HMGB1: variants seen among roughly 807,000 people sequenced by gnomAD.
The protein encoded by HMGB1 is high mobility group box 1, also known as high mobility group protein B1.
For missense variants in HMGB1, 79 were observed against 253.5 expected, an observed-to-expected ratio of 0.31 and a Z score of 4.67; for synonymous variants, 81 against 84.0, an observed-to-expected ratio of 0.96 and a Z score of 0.19.
At chr13:30,481,379 G>A (rs1391601554) in intron 1 of HMGB1, among the ~76,000 whole-genome samples, 1 of 152,144 alleles carries the variant, frequency 6.6e-6, no homozygotes, top group Non-Finnish European at 1.5e-5. Context: ...AAAACATTCC[G>A]AAGCTACCCA....
intron 1 of HMGB1, among the ~76,000 whole-genome samples, chr13:30,481,619 C>G (rs1280111878): frequency 2.6e-5 from 4 of 152,204 alleles, no homozygotes; most frequent in Non-Finnish European, 4.4e-5. Flanking sequence ...ACTGGCTCCC[C>G]CGGTGGGGCA....
chr13:30,592,860 G>A (rs1397237913), intron 1 of HMGB1, among the ~76,000 whole-genome samples: 5 of 146,140 alleles, frequency 3.4e-5, no homozygotes, highest in Non-Finnish European at 7.5e-5. Context: ...TTAAAATTTA[G>A]TGCTTTTTTT....
rs74184725 is a variant in HMGB1 at position 30,546,038 on chromosome 13, G to A, written c.-15+70633C>T. On this transcript the variant is annotated intron_variant, in intron 1 of 4. Transcript: ENST00000405805. The stretch of plus-strand genomic sequence containing the variant: ...ATTTCAGGTGGCTATTGAGCCACTA[G>A]TTGTTGGACAATGCAGATATAAAGC... Among the ~76,000 whole-genome samples, 29 of 152,334 alleles carry A rather than the reference G, an allele frequency of 1.9e-4. No homozygotes were observed. In the East Asian group the frequency reaches 4.4e-3, roughly 23 times the overall value.
At chr13:30,598,338 T>G (rs1871708600) in intron 1 of HMGB1, among the ~76,000 whole-genome samples, 1 of 152,276 alleles carries the variant, frequency 6.6e-6, no homozygotes, top group Non-Finnish European at 1.5e-5. Flanking sequence ...AGACTCATTT[T>G]AAAGCAATGT....
chr13:30,482,830 C>T (rs1012965097), intron 1 of HMGB1, among the ~76,000 whole-genome samples: 1 of 152,104 alleles, frequency 6.6e-6, no homozygotes, highest in Admixed American at 6.5e-5. Flanking sequence ...TTCTGTTGCC[C>T]AGGCTGGAGT....
At position 30,465,839 on chromosome 13, in the gene HMGB1, C is replaced by G; in HGVS notation, c.-58G>C. 1 of 985,680 alleles carries G rather than the reference C, an allele frequency of 1.0e-6. No homozygotes were observed. Among genetic ancestry groups the G allele is most frequent in the African/African-American group, 1.7e-5 (1 of 57,366 alleles). The allele number at this position is 985,680 out of a possible 1,614,324, so 61.1% of individuals were successfully genotyped here. A position where few individuals can be genotyped will look rare whatever the true frequency, so the allele number is the denominator to read the frequency against. On this transcript the variant is annotated 5_prime_UTR_variant, in exon 1 of 5. Transcript: ENST00000341423. ...TCGCCCAGTGCCCGTCCGGCTCTCACTTGCCCCGGTGCTGTCTCTATGGAG... is the reference window on the plus strand; with the variant it reads ...TCGCCCAGTGCCCGTCCGGCTCTCAGTTGCCCCGGTGCTGTCTCTATGGAG...
chr13:30,527,164 C>T (rs1487447769), intron 1 of HMGB1, among the ~76,000 whole-genome samples: 1 of 152,154 alleles, frequency 6.6e-6, no homozygotes, highest in Non-Finnish European at 1.5e-5. Context: ...GGGAGGCGGG[C>T]GAGAAAGCTG....
intron 1 of HMGB1, chr13:30,464,709 G>GCGCCGC (rs201189183): frequency 0.62 from 471,022 of 753,834 alleles, 160,627 homozygotes; most frequent in East Asian, 0.82. Context: ...TTCTCCGCCT[G>GCGCCGC]CGCCGCCGCC....
In HMGB1 at chr13:30,498,670, C is replaced by T. The variant is rs547533592; in HGVS notation, c.-14-34976G>A. Among the ~76,000 whole-genome samples the T allele has an allele frequency of 2.5e-3, 349 of 138,946 alleles. 2 individuals carry two copies. The highest frequency in any genetic ancestry group is 8.8e-3 in the African/African-American group (316 of 35,866). 91.2% of individuals were successfully genotyped at this position (138,946 alleles called of 152,430 possible). The stretch of plus-strand genomic sequence containing the variant: ...ATTATTATTATTATTATTATTAAGA[C>T]GAAGTCTTGCTTTGTGGCCCACGCT... On this transcript the variant is annotated intron_variant, in intron 1 of 4. Transcript: ENST00000405805.
intron 1 of HMGB1, among the ~76,000 whole-genome samples, chr13:30,574,713 T>A (rs916020497): frequency 3.3e-5 from 5 of 152,206 alleles, no homozygotes. Flanking sequence ...ATAAAAAATG[T>A]TATGGGTTGT....
chr13:30,602,298 C>T (rs1950411570), intron 1 of HMGB1, among the ~76,000 whole-genome samples: 1 of 152,220 alleles, frequency 6.6e-6, no homozygotes. Flanking sequence ...TTAGACCCTT[C>T]AACCCCAGCC....
chr13:30,572,208 A>G (rs1870466403), intron 1 of HMGB1, among the ~76,000 whole-genome samples: 1 of 152,208 alleles, frequency 6.6e-6, no homozygotes, highest in Admixed American at 6.5e-5. Context: ...ATAAATGCTC[A>G]AAGTAGGAAA....
In HMGB1 at chr13:30,509,081, C is replaced by T. The variant is rs117498881; in HGVS notation, c.-14-45387G>A. Among the ~76,000 whole-genome samples, 283 of 152,040 alleles carry T rather than the reference C, an allele frequency of 1.9e-3. 7 individuals are homozygous for T. The East Asian group carries it at 0.044, about 24-fold the overall frequency. ...GCTGGAGCAGCTGGAACCACAGGTG[C>T]GCCACCATGCCCTGCTAATTAAAAA... is the stretch of plus-strand genomic sequence containing the variant. On this transcript the variant is annotated intron_variant, in intron 1 of 4. Transcript: ENST00000405805.
chr13:30,538,600 TTTC>T (rs1391713656), intron 1 of HMGB1, among the ~76,000 whole-genome samples: 1 of 136,956 alleles, frequency 7.3e-6, no homozygotes, highest in South Asian at 2.2e-4. Flanking sequence ...CTTTCTTCTT[TTTC>T]TTTCTTTCTC....
At chr13:30,482,143 T>C (rs897613667) in intron 1 of HMGB1, among the ~76,000 whole-genome samples, 13 of 152,220 alleles carry the variant, frequency 8.5e-5, no homozygotes, top group Middle Eastern at 3.2e-3. Context: ...TAGGTTAATA[T>C]TTCTCTTGGA....
chr13:30,542,923 A>C (rs928328233), intron 1 of HMGB1: 1 of 153,266 alleles, frequency 6.5e-6, no homozygotes, highest in African/African-American at 2.4e-5. Flanking sequence ...CCCAAAACTG[A>C]AAGATTCCAA....
chr13:30,584,584 T>TA (rs765659705), intron 1 of HMGB1, among the ~76,000 whole-genome samples: 34 of 152,356 alleles, frequency 2.2e-4, no homozygotes, highest in African/African-American at 2.6e-4. Context: ...AAGTACTTAA[T>TA]AAAAATTTGT....
At chr13:30,548,918 C>A (rs1201907795) in intron 1 of HMGB1, among the ~76,000 whole-genome samples, 1 of 152,104 alleles carries the variant, frequency 6.6e-6, no homozygotes, top group African/African-American at 2.4e-5. Context: ...TAACATTGTC[C>A]CTGATAGTGA....
At chr13:30,589,376 G>T (rs1593330460) in intron 1 of HMGB1, among the ~76,000 whole-genome samples, 2 of 152,186 alleles carry the variant, frequency 1.3e-5, no homozygotes, top group East Asian at 1.9e-4. Flanking sequence ...CACAAAGATT[G>T]TAAGTGGAGG....
Sources: allele counts gnomAD v4.1 joint callset (sites outside exome capture counted in the v4.1 genomes callset), GRCh38; gene constraint gnomAD v4.1.1; transcripts MANE v1.5; gene names NCBI Gene and HGNC (gene_info 2026-07-23, HGNC 2026-07-21).